CHM: variants seen among roughly 807,000 people sequenced by gnomAD.
CHM encodes the protein rab proteins geranylgeranyltransferase component A 1.
A neutral mutation model predicts 49.0 loss-of-function variants in CHM; 10 were observed. The ratio of observed to expected loss-of-function variants is 0.20; its 90% CI spans 0.13 to 0.35. The LOEUF is 0.35. Ranked by LOEUF, CHM falls within the 10% of genes least tolerant of loss-of-function variation. The probability of loss-of-function intolerance (pLI) is 1.00; values close to 1 mark genes in which losing one functional copy is unlikely to be tolerated. For synonymous variants in CHM, 184 were observed against 167.5 expected, an observed-to-expected ratio of 1.10 and a Z score of -0.76; for missense variants, 455 against 478.4, an observed-to-expected ratio of 0.95 and a Z score of 0.46.
chrX:85,984,050 A>T (rs1931773881), intron 2 of CHM, among the ~76,000 whole-genome samples: 1 of 109,647 alleles, frequency 9.1e-6, no homozygotes, highest in South Asian at 4.0e-4. Context: ...AAACAGAAAA[A>T]AATTAGCCGG....
intron 1 of CHM, among the ~76,000 whole-genome samples, chrX:86,045,629 G>A (rs886138716): frequency 9.0e-6 from 1 of 111,577 alleles, no homozygotes; most frequent in Non-Finnish European, 1.9e-5. Context: ...CTCACTCACT[G>A]TAACTTCCTA....
chrX:85,864,354 A>G lies in CHM; in HGVS notation c.*276T>C, dbSNP rs1042112115. On this transcript the variant is annotated 3_prime_UTR_variant, in exon 15 of 15. Transcript: ENST00000357749. ...TAACAATGCATAGGATCACTTTCAT[A>G]TCCACAGTTACATTCCTGAGAATCA... 3 of 333,226 alleles carry G rather than the reference A, an allele frequency of 9.0e-6. No homozygotes were observed. The Admixed American group carries it at 1.4e-4, about 16-fold the overall frequency. The allele number at this position is 333,226 out of a possible 1,213,427, so 27.5% of individuals were successfully genotyped here. A position where few individuals can be genotyped will look rare whatever the true frequency, so the allele number is the denominator to read the frequency against.
At position 85,938,348 on chromosome X, in the gene CHM, A is replaced by C. The variant is rs761814961; in HGVS notation, c.1166+17805T>G. ...GAGGAAATTGTCTTTAAAATCATAT[A>C]CAAATTATTCTGAAAATAAAGTATG... On this transcript the variant is annotated intron_variant, in intron 8 of 14. Coordinates refer to ENST00000357749, the MANE Select transcript of CHM (RefSeq NM_000390.4). Among the ~76,000 whole-genome samples, 45 of 112,091 alleles carry C rather than the reference A, an allele frequency of 4.0e-4. 1 individual carries two copies. The highest frequency in any genetic ancestry group is 8.1e-4 in the Non-Finnish European group (43 of 53,269).
In CHM at chrX:86,047,558, T is replaced by C. The variant is rs760640085; in HGVS notation, c.-26A>G. ...CTTGACGGGAAACGTGTCATGTGAC[T>C]ATTACTTGTGGAAATGAGATCAAGT... On this transcript the variant is annotated 5_prime_UTR_variant, in exon 1 of 15. Transcript: ENST00000357749. 1.7e-6 allele frequency: 2 copies of C among 1,179,003 alleles called. No homozygotes were observed. The highest frequency in any genetic ancestry group is 4.5e-5 in the Admixed American group (2 of 44,754).
chrX:85,983,198 T>C (rs1931722816), intron 2 of CHM, among the ~76,000 whole-genome samples: 2 of 110,931 alleles, frequency 1.8e-5, no homozygotes, highest in South Asian at 7.6e-4. Context: ...ATATAGATCA[T>C]ATCGTACTTA....
chrX:86,022,704 G>A (rs1043351443), intron 2 of CHM, among the ~76,000 whole-genome samples: 1 of 110,811 alleles, frequency 9.0e-6, no homozygotes, highest in African/African-American at 3.3e-5. Context: ...TCCAGCTCTA[G>A]ATCTTCCACT....
chrX:85,930,756 G>T (rs1928381473), intron 8 of CHM, among the ~76,000 whole-genome samples: 1 of 111,548 alleles, frequency 9.0e-6, no homozygotes, highest in Non-Finnish European at 1.9e-5. Context: ...CCAACTTATG[G>T]ATTCAAGTTT....
In CHM at chrX:85,932,686, C is replaced by A. The variant is rs1928506457; in HGVS notation, c.1167-21348G>T. Among the ~76,000 whole-genome samples, 4 of 111,995 alleles carry A rather than the reference C, an allele frequency of 3.6e-5. No homozygotes were observed. In the Admixed American group the frequency reaches 3.8e-4, roughly 11 times the overall value. ...TTTCATGTCCTAATTGGACATTAAA[C>A]AGCACTTTTTATTTCTCCTTTTGGA... On this transcript the variant is annotated intron_variant, in intron 8 of 14. Coordinates refer to ENST00000357749, the MANE Select transcript of CHM (RefSeq NM_000390.4).
intron 4 of CHM, among the ~76,000 whole-genome samples, chrX:85,976,585 C>T (rs966439199): frequency 1.9e-5 from 2 of 108,062 alleles, no homozygotes; most frequent in Non-Finnish European, 3.8e-5. Context: ...CCACGCACCA[C>T]TGCACTCCAG....
chrX:85,894,917 T>A (rs1189953929), intron 11 of CHM, among the ~76,000 whole-genome samples: 1 of 111,688 alleles, frequency 9.0e-6, no homozygotes, highest in Non-Finnish European at 1.9e-5. Flanking sequence ...TCCAATTATA[T>A]TGAAGCAAGC....
chrX:85,930,110 A>T (rs1290901315), intron 8 of CHM, among the ~76,000 whole-genome samples: 3 of 111,587 alleles, frequency 2.7e-5, no homozygotes, highest in Admixed American at 9.5e-5. Context: ...AATAGAAAAT[A>T]AAAAAAATAA....
chrX:85,963,583 T>C lies in CHM; in HGVS notation c.702+82A>G, dbSNP rs1930406161. ...CTATCTCTTTACAAAACAAATGTTC[T>C]GCATCTCAGAGAATTACAAAAACTG... On this transcript the variant is annotated intron_variant, in intron 5 of 14. Transcript: ENST00000357749. 5 of 772,513 alleles carry C rather than the reference T, an allele frequency of 6.5e-6. No homozygotes were observed. In the South Asian group the frequency reaches 1.1e-4, roughly 18 times the overall value. The allele number at this position is 772,513 out of a possible 1,213,427, so 63.7% of individuals were successfully genotyped here. A position where few individuals can be genotyped will look rare whatever the true frequency, so the allele number is the denominator to read the frequency against.
intron 2 of CHM, among the ~76,000 whole-genome samples, chrX:86,015,176 G>A (rs1048950432): frequency 4.5e-5 from 5 of 111,119 alleles, no homozygotes; most frequent in East Asian, 5.7e-4. Context: ...GGAGGGACCC[G>A]GTGGGAGGTA....
rs1189501013 is a variant in CHM at position 85,963,944 on chromosome X, C to T, written c.423G>A (p.Thr141=). 5.0e-6 allele frequency: 6 copies of T among 1,210,971 alleles called. No homozygotes were observed. Among genetic ancestry groups the T allele is most frequent in the South Asian group, 1.8e-5 (1 of 56,854 alleles). The part of the protein sequence containing the change: ...TEAADSAFLP[T]EDESLSTMSC... ...TCATAGTGCTTAATGACTCATCCTC[C>T]GTAGGCAGGAAGGCAGAATCTGCAG... The change falls in exon 5 of 15, where the codon ACG becomes ACA. Residue 141 remains threonine (T), a synonymous_variant. Transcript: ENST00000357749.
At chrX:85,883,236 G>T (rs1206008232) in intron 12 of CHM, among the ~76,000 whole-genome samples, 1 of 111,406 alleles carries the variant, frequency 9.0e-6, no homozygotes, top group Non-Finnish European at 1.9e-5. Flanking sequence ...TTATTTATAG[G>T]CTAGTCAGCA....
Position 85,921,422 on chromosome X carries a change from G to T in CHM, c.1167-10084C>A, listed in dbSNP as rs138415023. Among the ~76,000 whole-genome samples, 1,087 of 111,800 alleles carry T rather than the reference G, an allele frequency of 9.7e-3. 12 individuals are homozygous for T. Among genetic ancestry groups the T allele is most frequent in the African/African-American group, 0.033 (1,009 of 30,740 alleles). On this transcript the variant is annotated intron_variant, in intron 8 of 14. Transcript: ENST00000357749. ...GCTCTGTACACCTCCCTTCCAAAGG[G>T]TAGTATGCAGCCTAGAGGCAAGCAA...
chrX:85,954,950 G>A (rs916672425), intron 8 of CHM, among the ~76,000 whole-genome samples: 8 of 109,375 alleles, frequency 7.3e-5, no homozygotes, highest in Non-Finnish European at 1.5e-4. Flanking sequence ...TGACAACATG[G>A]ATGAAACTGG....
At chrX:85,988,567 G>C (rs1011690050) in intron 2 of CHM, among the ~76,000 whole-genome samples, 3 of 111,458 alleles carry the variant, frequency 2.7e-5, no homozygotes, top group African/African-American at 9.8e-5. Context: ...AAACCGTCTT[G>C]GTTTGCAGAC....
At chrX:85,864,931 T>A in intron 14 of CHM, 110 bp from the exon 15 acceptor site, 1 of 711,880 alleles carries the variant, frequency 1.4e-6, no homozygotes, top group South Asian at 2.3e-5. Flanking sequence ...AAAATTTGCT[T>A]AAACAGGCTA....
Sources: allele counts gnomAD v4.1 joint callset (sites outside exome capture counted in the v4.1 genomes callset), GRCh38; gene constraint gnomAD v4.1.1; transcripts MANE v1.5; gene names NCBI Gene and HGNC (gene_info 2026-07-23, HGNC 2026-07-21).